The following GABRA2 variants were observed in gnomAD, a reference collection of about 807,000 sequenced individuals.
The protein encoded by GABRA2 is gamma-aminobutyric acid type A receptor subunit alpha2, also known as gamma-aminobutyric acid receptor subunit alpha-2.
GABRA2 carries 16 observed loss-of-function variants against 48.7 expected under a neutral mutation model. The observed-to-expected ratio is 0.33, with a 90% CI of 0.22 to 0.50. The LOEUF (loss-of-function observed/expected upper bound fraction) is 0.50, where lower values mean the gene tolerates loss of function less well. Ranked by LOEUF, GABRA2 falls within the 20% of genes least tolerant of loss-of-function variation. GABRA2 has a pLI of 0.98. For missense variants in GABRA2, 275 were observed against 535.6 expected (o/e 0.51, Z 4.80); for synonymous variants, 185 against 184.5 (o/e 1.00, Z -0.02).
chr4:46,304,374 T>C (rs575707939), intron 7 of GABRA2, among the ~76,000 whole-genome samples: 1 of 152,318 alleles, frequency 6.6e-6, no homozygotes, highest in Admixed American at 6.5e-5. Flanking sequence ...GTCACTTCTA[T>C]CTAATCCTCA....
At chr4:46,313,116 C>A (rs1727930252) in intron 4 of GABRA2, among the ~76,000 whole-genome samples, 1 of 134,452 alleles carries the variant, frequency 7.4e-6, no homozygotes, top group African/African-American at 2.7e-5. Flanking sequence ...TTCCCAGTAG[C>A]AAATAAATAA....
At chr4:46,332,150 T>C (rs1731472961) in intron 4 of GABRA2, among the ~76,000 whole-genome samples, 1 of 152,180 alleles carries the variant, frequency 6.6e-6, no homozygotes, top group African/African-American at 2.4e-5. Flanking sequence ...TGTATGTATG[T>C]AGATAGCATA....
intron 8 of GABRA2, chr4:46,302,621 A>G (rs1268321241): frequency 6.6e-6 from 1 of 152,194 alleles, no homozygotes; most frequent in African/African-American, 2.4e-5. Context: ...GCCTAGAAAT[A>G]TGGTAGTGAG....
chr4:46,265,411 TATATA>T lies in GABRA2; in HGVS notation c.857-3288_857-3284del, dbSNP rs1380833441. Among the ~76,000 whole-genome samples the T allele has an allele frequency of 8.9e-4, 115 of 129,216 alleles. 6 individuals carry two copies. The East Asian group carries it at 0.022, about 24-fold the overall frequency. 84.8% of individuals were successfully genotyped at this position (129,216 alleles called of 152,430 possible). A position where few individuals can be genotyped will look rare whatever the true frequency, so the allele number is the denominator to read the frequency against. On this transcript the variant is annotated intron_variant, in intron 8 of 9. Coordinates refer to ENST00000381620, the MANE Select transcript of GABRA2 (RefSeq NM_000807.4). ...ATATATATATAATATATTGTGTATA[TATATA>T]ATATATTGTGTATATATATATAATA...
At chr4:46,380,001 G>C (rs1319974626) in intron 3 of GABRA2, among the ~76,000 whole-genome samples, 1 of 152,116 alleles carries the variant, frequency 6.6e-6, no homozygotes, top group African/African-American at 2.4e-5. Context: ...AGATAAGTAT[G>C]ATGTGATCAA....
At chr4:46,307,895 C>G (rs279865) in intron 6 of GABRA2, among the ~76,000 whole-genome samples, 59,823 of 151,862 alleles carry the variant, frequency 0.39, 12,223 homozygotes, top group East Asian at 0.52. Flanking sequence ...CCGAAGAGGG[C>G]GAGTTATATA....
At chr4:46,292,489 C>T (rs912963152) in intron 8 of GABRA2, among the ~76,000 whole-genome samples, 3 of 152,182 alleles carry the variant, frequency 2.0e-5, no homozygotes, top group Admixed American at 6.5e-5. Flanking sequence ...AAGCTGAGAA[C>T]ACTGAGCTTG....
At chr4:46,262,159 T>G (rs1371274997) in intron 8 of GABRA2, 31 bp from the exon 9 acceptor site, 1 of 1,584,322 alleles carries the variant, frequency 6.3e-7, no homozygotes, top group Non-Finnish European at 8.7e-7. Context: ...ATCGAAAACA[T>G]CAATAGGTAC....
chr4:46,279,451 T>C (rs559145943), intron 8 of GABRA2, among the ~76,000 whole-genome samples: 2 of 152,150 alleles, frequency 1.3e-5, no homozygotes, highest in African/African-American at 4.8e-5. Flanking sequence ...AGCACTGTAG[T>C]TTTATATGAC....
At chr4:46,294,451 G>A (rs896405398) in intron 8 of GABRA2, among the ~76,000 whole-genome samples, 1 of 152,172 alleles carries the variant, frequency 6.6e-6, no homozygotes, top group African/African-American at 2.4e-5. Context: ...AGATTTTGGA[G>A]ACAACACATT....
At chr4:46,293,388 G>C (rs1167916826) in intron 8 of GABRA2, among the ~76,000 whole-genome samples, 2 of 152,146 alleles carry the variant, frequency 1.3e-5, no homozygotes, top group Non-Finnish European at 2.9e-5. Flanking sequence ...CAGGGGAGCT[G>C]TGCACTGGAG....
intron 3 of GABRA2, among the ~76,000 whole-genome samples, chr4:46,336,315 G>A (rs1732229495): frequency 6.6e-6 from 1 of 152,252 alleles, no homozygotes; most frequent in African/African-American, 2.4e-5. Flanking sequence ...CATTGACAAA[G>A]GCAGGTTGAG....
chr4:46,306,278 C>T (rs555720813), intron 6 of GABRA2, among the ~76,000 whole-genome samples: 3 of 152,232 alleles, frequency 2.0e-5, no homozygotes, highest in African/African-American at 4.8e-5. Context: ...AAATCATGCT[C>T]GTTTTTAAAT....
rs77288053 is a variant in GABRA2 at position 46,275,018 on chromosome 4, A to T, written c.857-12890T>A. ...AGGAAGCATTGGGCAGTTTTATTTT[A>T]GTTAATTCATTTCCCACCTTGGGAA... On this transcript the variant is annotated intron_variant, in intron 8 of 9. Transcript: ENST00000381620. Among the ~76,000 whole-genome samples the T allele has an allele frequency of 2.9e-4, 44 of 152,222 alleles. No individual in the cohort carries two copies. In the East Asian group the frequency reaches 7.7e-3, roughly 27 times the overall value.
intron 8 of GABRA2, among the ~76,000 whole-genome samples, chr4:46,277,213 C>A (rs1316411861): frequency 2.6e-5 from 4 of 152,084 alleles, no homozygotes; most frequent in Admixed American, 2.0e-4. Context: ...ATTTTCCTTG[C>A]CATGGCTTAT....
intron 3 of GABRA2, among the ~76,000 whole-genome samples, chr4:46,352,143 G>A (rs758831110): frequency 6.6e-6 from 1 of 151,980 alleles, no homozygotes; most frequent in Non-Finnish European, 1.5e-5. Context: ...AACGTGGGAC[G>A]GTTAGACTTT....
chr4:46,353,371 T>C (rs189893567), intron 3 of GABRA2, among the ~76,000 whole-genome samples: 2 of 152,188 alleles, frequency 1.3e-5, no homozygotes, highest in East Asian at 1.9e-4. Flanking sequence ...GACAGTCTAC[T>C]CTCACCACTG....
chr4:46,284,549 G>T (rs998921283), intron 8 of GABRA2, among the ~76,000 whole-genome samples: 5 of 152,130 alleles, frequency 3.3e-5, no homozygotes, highest in African/African-American at 1.2e-4. Flanking sequence ...GGATATCTTT[G>T]AAAGAAATCA....
intron 4 of GABRA2, among the ~76,000 whole-genome samples, chr4:46,314,785 A>G (rs1578016976): frequency 6.6e-6 from 1 of 152,110 alleles, no homozygotes; most frequent in Non-Finnish European, 1.5e-5. Context: ...AATGGCTTCC[A>G]GCTGCATCCA....
Sources: gnomAD v4.1 joint callset for allele counts (sites outside exome capture counted in the v4.1 genomes callset) on GRCh38, gnomAD v4.1.1 for gene constraint, MANE v1.5 for transcripts, NCBI Gene and HGNC (gene_info 2026-07-23, HGNC 2026-07-21) for gene names.